Variants in MLH3 observed in about 807,000 individuals in gnomAD.
MLH3 encodes the protein mutL homolog 3.
Under a neutral mutation model 122.2 loss-of-function variants are expected in MLH3, and 82 were observed. The ratio of observed to expected loss-of-function variants is 0.67; its 90% CI spans 0.56 to 0.81. The LOEUF is 0.81. MLH3 is among the 30% of genes least tolerant of loss of function. The pLI is 0.00. For missense variants in MLH3, 1,539 were observed against 1,714.5 expected (o/e 0.90, Z 1.81); for synonymous variants, 524 against 599.5 (o/e 0.87, Z 1.84).
intron 4 of MLH3, 109 bp downstream of exon 4, chr14:75,041,506 C>T (rs566730002): frequency 4.9e-6 from 4 of 821,814 alleles, no homozygotes; most frequent in Admixed American, 2.0e-5. Context: ...CGAGATCATG[C>T]CATTGCATTT....
intron 9 of MLH3, among the ~76,000 whole-genome samples, chr14:75,027,264 C>CT (rs112647117): frequency 4.2e-4 from 60 of 144,238 alleles, no homozygotes; most frequent in Admixed American, 5.5e-4. Flanking sequence ...CATTCACGGA[C>CT]TTTTTTTTTT....
rs776422971 is a variant in MLH3, at chr14:75,047,420, T to G, written c.2236A>C (p.Ser746Arg). ...FSKPIVRKKL[S>R]LSSQLGSLEK... ...AAAGATCCTAGCTGTGAACTCAAGCTTAGCTTCTTACGGACGATTGGTTTG... is the reference window on the plus strand; with the variant it reads ...AAAGATCCTAGCTGTGAACTCAAGCGTAGCTTCTTACGGACGATTGGTTTG... The change falls in exon 2 of 13, where the codon AGC (serine) becomes CGC (arginine). Residue 746 changes from serine to arginine, a missense_variant. By Grantham distance (110) the Ser-to-Arg change is moderately radical (BLOSUM62 -1). Transcript: ENST00000355774. 6.2e-7 allele frequency: 1 copy of G among 1,613,970 alleles called. No homozygotes were observed. Among genetic ancestry groups the G allele is most frequent in the Non-Finnish European group, 8.5e-7 (1 of 1,179,990 alleles).
chr14:75,036,501 T>C (rs1035061003), intron 6 of MLH3: 1 of 357,278 alleles, frequency 2.8e-6, no homozygotes, highest in Admixed American at 3.6e-5. Flanking sequence ...TCTGCCACCA[T>C]GTCCAGCTAA....
chr14:75,048,045 C>A lies in MLH3; in HGVS notation c.1611G>T (p.Met537Ile). ...TATTATTTTTCAAGATGTTGGCAGCCATGCCATTAACAGTAGTACTTTCTT... is the reference window on the plus strand; with the variant it reads ...TATTATTTTTCAAGATGTTGGCAGCAATGCCATTAACAGTAGTACTTTCTT... ...IWKESTTVNG[M>I]AANILKNNRI... The change falls in exon 2 of 13, where the codon ATG becomes ATT. Residue 537 changes from methionine (M) to isoleucine (I), a missense_variant. Met to Ile is a conservative substitution (Grantham distance 10). Coordinates refer to ENST00000355774, the MANE Select transcript of MLH3 (RefSeq NM_001040108.2). 1 of 1,613,852 alleles carries A rather than the reference C, an allele frequency of 6.2e-7. No homozygotes were observed. Among genetic ancestry groups the A allele is most frequent in the Non-Finnish European group, 8.5e-7 (1 of 1,179,920 alleles).
intron 6 of MLH3, among the ~76,000 whole-genome samples, chr14:75,035,542 AACTATTACTTTTC>A (rs1268768204): frequency 6.6e-6 from 1 of 152,144 alleles, no homozygotes. Context: ...AACAACAAAA[AACTATTACTTTTC>A]TAGAAATAGT....
chr14:75,033,912 G>C (rs1444646990), intron 6 of MLH3, among the ~76,000 whole-genome samples: 1 of 151,948 alleles, frequency 6.6e-6, no homozygotes, highest in Non-Finnish European at 1.5e-5. Flanking sequence ...AACATAGTCA[G>C]GGCTGGGTGC....
chr14:75,022,780 AG>A, intron 11 of MLH3, 33 bp downstream of exon 11: 1 of 1,588,374 alleles, frequency 6.3e-7, no homozygotes, highest in Non-Finnish European at 8.6e-7. Context: ...CTGCATGCAG[AG>A]GTGTTTGATC....
At chr14:75,041,563 A>G (rs757617829) in intron 4 of MLH3, 52 bp downstream of exon 4, 4 of 1,322,046 alleles carry the variant, frequency 3.0e-6, no homozygotes, top group Non-Finnish European at 4.3e-6. Context: ...TTTAAAAAAT[A>G]AGAAGAAGAA....
chr14:75,046,407 T>A lies in MLH3; in HGVS notation c.3249A>T (p.Thr1083=). The A allele has an allele frequency of 6.2e-7, 1 of 1,614,176 alleles. No homozygotes were observed. ...DIQAACTKDL[T]TVAVDVVLEN... is the part of the protein sequence containing the mutation. ...CAAGTACAACATCCACAGCCACAGT[T>A]GTCAGGTCTTTAGTACAAGCAGCCT... The change falls in exon 2 of 13, where the codon ACA becomes ACT. Residue 1083 remains threonine (T), a synonymous_variant. Coordinates refer to ENST00000355774, the MANE Select transcript of MLH3 (RefSeq NM_001040108.2).
At position 75,015,487 on chromosome 14, in the gene MLH3, G is replaced by A. The variant is rs1454143637; in HGVS notation, c.*1595C>T. The A allele has an allele frequency of 1.6e-5, 3 of 182,354 alleles. No individual in the cohort carries two copies. The highest frequency in any genetic ancestry group is 7.1e-5 in the African/African-American group (3 of 42,432). The allele number at this position is 182,354 out of a possible 1,614,324, so 11.3% of individuals were successfully genotyped here. A position where few individuals can be genotyped will look rare whatever the true frequency, so the allele number is the denominator to read the frequency against. On this transcript the variant is annotated 3_prime_UTR_variant, in exon 13 of 13. Coordinates refer to ENST00000355774, the MANE Select transcript of MLH3 (RefSeq NM_001040108.2). ...GATTTTTACAACTCCCAGGACAGTT[G>A]GCCTCCATGCAGCCCTCAAGCAGGG...
chr14:75,031,136 A>C (rs1891021487), intron 8 of MLH3, among the ~76,000 whole-genome samples: 1 of 152,226 alleles, frequency 6.6e-6, no homozygotes, highest in African/African-American at 2.4e-5. Flanking sequence ...TCTAATATAA[A>C]TTATGTCATA....
intron 9 of MLH3, among the ~76,000 whole-genome samples, chr14:75,027,747 T>TCTGGTGAA (rs958505507): frequency 7.1e-6 from 1 of 140,530 alleles, no homozygotes; most frequent in Admixed American, 7.3e-5. Flanking sequence ...GAACAAAGAC[T>TCTGGTGAA]CTGGTGAACA....
chr14:75,029,194 A>G (rs571930737), intron 9 of MLH3, among the ~76,000 whole-genome samples: 12 of 152,084 alleles, frequency 7.9e-5, no homozygotes, highest in African/African-American at 2.9e-4. Flanking sequence ...TAAGAAAATC[A>G]TAAGAAACAG....
chr14:75,020,222 A>G (rs1398616496), intron 11 of MLH3, among the ~76,000 whole-genome samples: 1 of 152,244 alleles, frequency 6.6e-6, no homozygotes, highest in Non-Finnish European at 1.5e-5. Flanking sequence ...ATGACGTGAC[A>G]CTGGAGAGGC....
chr14:75,035,602 T>G (rs538380198), intron 6 of MLH3, among the ~76,000 whole-genome samples: 14 of 152,242 alleles, frequency 9.2e-5, no homozygotes, highest in Non-Finnish European at 1.9e-4. Flanking sequence ...AATTCTATAT[T>G]CATGATAATT....
chr14:75,048,262 C>T lies in MLH3; in HGVS notation c.1394G>A (p.Cys465Tyr), dbSNP rs2139584274. Reference sequence around the variant, plus strand: ...TTGTTCTAACATCTTTGATTCTGAGCAAGAGCTGTCTTTGTTTTGTAAAGA... The same window carrying T: ...TTGTTCTAACATCTTTGATTCTGAGTAAGAGCTGTCTTTGTTTTGTAAAGA... ...EPSLQNKDSS[C>Y]SESKMLEQET... Residue 465 changes from cysteine to tyrosine, a missense_variant, in exon 2 of 13, where the codon TGC (cysteine) becomes TAC (tyrosine). By Grantham distance (194) the Cys-to-Tyr change is radical. Coordinates refer to ENST00000355774, the MANE Select transcript of MLH3 (RefSeq NM_001040108.2). The T allele has an allele frequency of 6.2e-7, 1 of 1,614,006 alleles. No individual in the cohort carries two copies.
intron 12 of MLH3, 74 bp from the exon 13 acceptor site, chr14:75,017,275 A>C: frequency 6.6e-7 from 1 of 1,504,842 alleles, no homozygotes; most frequent in East Asian, 2.3e-5. Context: ...GAGGTGACTC[A>C]CACCTGTAAT....
intron 11 of MLH3, among the ~76,000 whole-genome samples, chr14:75,022,522 A>G (rs1227848323): frequency 6.6e-6 from 1 of 152,086 alleles, no homozygotes; most frequent in Non-Finnish European, 1.5e-5. Flanking sequence ...TCCCCTTTCC[A>G]TGCTATGAAC....
At chr14:75,038,227 T>C in intron 6 of MLH3, 113 bp downstream of exon 6, 1 of 803,108 alleles carries the variant, frequency 1.2e-6, no homozygotes, top group South Asian at 1.4e-5. Context: ...TTAGATTGGC[T>C]TTCCCTAATC....
Sources: allele counts gnomAD v4.1 joint callset (sites outside exome capture counted in the v4.1 genomes callset), GRCh38; gene constraint gnomAD v4.1.1; transcripts MANE v1.5; gene names NCBI Gene and HGNC (gene_info 2026-07-23, HGNC 2026-07-21).